STRBP: variants seen among roughly 807,000 people sequenced by gnomAD.
STRBP encodes spermatid perinuclear RNA binding protein.
A neutral mutation model predicts 80.1 loss-of-function variants in STRBP; 13 were observed. The ratio of observed to expected loss-of-function variants is 0.16; its 90% CI spans 0.11 to 0.26. STRBP has a LOEUF of 0.26. Among genes scored for constraint, STRBP ranks in the 10% least tolerant of loss-of-function variants. The probability of loss-of-function intolerance (pLI) is 1.00; values close to 1 mark genes in which losing one functional copy is unlikely to be tolerated. For missense variants in STRBP, 485 were observed against 815.2 expected (o/e 0.59, Z 4.93); for synonymous variants, 284 against 291.2 (o/e 0.98, Z 0.25).
intron 5 of STRBP, among the ~76,000 whole-genome samples, chr9:123,172,133 C>T (rs1253698563): frequency 1.3e-5 from 2 of 152,194 alleles, no homozygotes; most frequent in South Asian, 4.2e-4. Context: ...GGTTCTCAAC[C>T]CTTTTTCAAT....
intron 12 of STRBP, among the ~76,000 whole-genome samples, 167 bp from the exon 13 acceptor site, chr9:123,147,221 T>A (rs1223116232): frequency 6.6e-6 from 1 of 152,174 alleles, no homozygotes; most frequent in Non-Finnish European, 1.5e-5. Context: ...ATTATGCTAA[T>A]ATCACTATAA....
chr9:123,182,067 T>C (rs2038490730), intron 3 of STRBP, among the ~76,000 whole-genome samples: 1 of 150,194 alleles, frequency 6.7e-6, no homozygotes, highest in South Asian at 2.1e-4. Context: ...ATACAAAAAT[T>C]AGCCAGGTAT....
chr9:123,164,212 A>C (rs2037654128), intron 6 of STRBP, among the ~76,000 whole-genome samples: 1 of 152,014 alleles, frequency 6.6e-6, no homozygotes, highest in Admixed American at 6.6e-5. Flanking sequence ...TGCCCTGCTA[A>C]TTTTTGTTAT....
rs1183670285 is a variant in STRBP at position 123,123,224 on chromosome 9, GA to G, written c.*2372del. On this transcript the variant is annotated 3_prime_UTR_variant, in exon 19 of 19. Coordinates refer to ENST00000348403, the MANE Select transcript of STRBP (RefSeq NM_018387.5). ...CAATGAAAAAACCACCTACAGTGGA[GA>G]AAAGAGCAGAGAAGCAAAACTTCAT... 1.3e-5 allele frequency: 13 copies of G among 985,292 alleles called. No individual in the cohort carries two copies. The highest frequency in any genetic ancestry group is 3.5e-5 in the African/African-American group (2 of 57,228). The allele number at this position is 985,292 out of a possible 1,614,324, so 61.0% of individuals were successfully genotyped here.
At chr9:123,256,614 A>G (rs1030136043) in intron 1 of STRBP, among the ~76,000 whole-genome samples, 1 of 152,248 alleles carries the variant, frequency 6.6e-6, no homozygotes, top group African/African-American at 2.4e-5. Context: ...ACAAAAAACA[A>G]GATGACTACT....
In STRBP at chr9:123,146,893, G is replaced by C. The variant is rs1199964928; in HGVS notation, c.1300C>G (p.Pro434Ala). The change falls in exon 13 of 19, where the codon CCA becomes GCA. Residue 434 changes from proline (P) to alanine (A), a missense_variant. This residue lies in a region of STRBP where 377 missense variants were observed against 616.1 expected (regional missense o/e 0.61). Coordinates refer to ENST00000348403, the MANE Select transcript of STRBP (RefSeq NM_018387.5). ...VDGTTYEASG[P>A]SKKTAKLHVA... is the part of the protein sequence containing the mutation. ...TGAAGTTTTGCTGTTTTCTTGGATG[G>C]TCCTGAGGCTTCATATGTTGTGCCA... 1.2e-6 allele frequency: 2 copies of C among 1,613,914 alleles called. No individual in the cohort carries two copies. The highest frequency in any genetic ancestry group is 8.5e-7 in the Non-Finnish European group (1 of 1,179,934).
chr9:123,118,259 C>T (rs1377340162), downstream of STRBP, among the ~76,000 whole-genome samples: 1 of 152,152 alleles, frequency 6.6e-6, no homozygotes. Context: ...ATGTTGGCAT[C>T]TCTCCTTCCC....
At chr9:123,207,500 T>A (rs942149904) in intron 2 of STRBP, among the ~76,000 whole-genome samples, 10 of 152,036 alleles carry the variant, frequency 6.6e-5, no homozygotes, top group African/African-American at 2.2e-4. Context: ...ACTTTTTTAG[T>A]ATAAAAAACA....
In STRBP at chr9:123,158,317, T is replaced by C. The variant is rs2037377767; in HGVS notation, c.933+15A>G. 1.2e-6 allele frequency: 2 copies of C among 1,609,052 alleles called. No individual in the cohort carries two copies. On this transcript the variant is annotated intron_variant, in intron 10 of 18. Transcript: ENST00000348403. ...ATTTCACTAATAAGTCAGAGTGGCA[T>C]GCTCAATCTTCTACCTGTGCACTGT...
At chr9:123,168,643 C>T (rs927956825) in intron 6 of STRBP, among the ~76,000 whole-genome samples, 13 of 152,116 alleles carry the variant, frequency 8.5e-5, no homozygotes, top group African/African-American at 3.1e-4. Context: ...AGCAATGGGA[C>T]TTGTTGAAAG....
At chr9:123,263,951 G>T (rs896830846) in intron 1 of STRBP, among the ~76,000 whole-genome samples, 14 of 152,206 alleles carry the variant, frequency 9.2e-5, no homozygotes, top group African/African-American at 3.4e-4. Context: ...AGGCCGAGGC[G>T]GGTGGATCAC....
intron 4 of STRBP, among the ~76,000 whole-genome samples, chr9:123,176,583 T>C (rs2038229178): frequency 6.6e-6 from 1 of 152,152 alleles, no homozygotes; most frequent in African/African-American, 2.4e-5. Context: ...GACTGGTAGA[T>C]TTGCTGCAAG....
chr9:123,147,581 G>C (rs923669530), intron 12 of STRBP, among the ~76,000 whole-genome samples, 197 bp downstream of exon 12: 1 of 151,316 alleles, frequency 6.6e-6, no homozygotes, highest in Non-Finnish European at 1.5e-5. Context: ...AGAAGGCTGA[G>C]GTTGAAGGAT....
intron 13 of STRBP, among the ~76,000 whole-genome samples, chr9:123,143,692 A>G (rs768625460): frequency 1.1e-4 from 16 of 152,262 alleles, no homozygotes; most frequent in Non-Finnish European, 2.2e-4. Flanking sequence ...CTTTTGACCC[A>G]ATAATTCTAT....
intron 3 of STRBP, chr9:123,180,940 T>G: frequency 1.0e-6 from 1 of 985,012 alleles, no homozygotes; most frequent in Non-Finnish European, 1.2e-6. Context: ...TTCTCAATTT[T>G]TTATGAACAG....
chr9:123,221,185 T>G (rs75840582), intron 2 of STRBP, among the ~76,000 whole-genome samples: 412 of 152,318 alleles, frequency 2.7e-3, no homozygotes, highest in African/African-American at 8.8e-3. Flanking sequence ...ACCCACAACA[T>G]GCTCCTACTA....
At chr9:123,241,702 T>G (rs2040699515) in intron 1 of STRBP, among the ~76,000 whole-genome samples, 1 of 152,178 alleles carries the variant, frequency 6.6e-6, no homozygotes, top group Non-Finnish European at 1.5e-5. Context: ...GTTGACTCTA[T>G]CTTGAAAATA....
rs1460180456 is a variant in STRBP at position 123,155,905 on chromosome 9, A to T, written c.1045+2107T>A. ...CAGGAAGCTAGGTGCTAAAAGCATG[A>T]AAGTATTGGAGAGATCATTGTATAG... is the stretch of plus-strand genomic sequence containing the variant. On this transcript the variant is annotated intron_variant, in intron 11 of 18. Transcript: ENST00000348403. Among the ~76,000 whole-genome samples, 9 of 152,192 alleles carry T rather than the reference A, an allele frequency of 5.9e-5. No individual in the cohort carries two copies. The East Asian group carries it at 1.7e-3, about 29-fold the overall frequency.
chr9:123,260,665 T>C (rs2041142643), intron 1 of STRBP, among the ~76,000 whole-genome samples: 1 of 152,166 alleles, frequency 6.6e-6, no homozygotes, highest in African/African-American at 2.4e-5. Context: ...CAGTCAGAAA[T>C]ATATACTGAA....
Sources: allele counts gnomAD v4.1 joint callset (sites outside exome capture counted in the v4.1 genomes callset), GRCh38; gene constraint gnomAD v4.1.1; regional missense constraint gnomAD v4.1.1; transcripts MANE v1.5; gene names NCBI Gene and HGNC (gene_info 2026-07-23, HGNC 2026-07-21).